PTPRT: variants seen among roughly 807,000 people sequenced by gnomAD.
PTPRT encodes protein tyrosine phosphatase receptor type T.
Under a neutral mutation model 176.8 loss-of-function variants are expected in PTPRT, and 56 were observed. The observed-to-expected ratio is 0.32, with a 90% CI of 0.26 to 0.40. The LOEUF (loss-of-function observed/expected upper bound fraction) is 0.40. PTPRT is among the 10% of genes least tolerant of loss of function. PTPRT has a pLI of 1.00. For synonymous variants in PTPRT, 783 were observed against 739.0 expected (o/e 1.06, Z -0.96); for missense variants, 1,540 against 1,908.2 (o/e 0.81, Z 3.60).
intron 13 of PTPRT, among the ~76,000 whole-genome samples, chr20:42,274,692 G>T (rs1011481194): frequency 1.3e-5 from 2 of 151,990 alleles, no homozygotes; most frequent in African/African-American, 4.8e-5. Context: ...GAGAGATGCT[G>T]CTGGGCTACA....
intron 7 of PTPRT, among the ~76,000 whole-genome samples, chr20:42,479,361 G>T (rs2071342771): frequency 6.6e-6 from 1 of 152,116 alleles, no homozygotes; most frequent in Admixed American, 6.5e-5. Context: ...TGCAATTTGA[G>T]TTCTTTTCAA....
chr20:43,171,652 T>C (rs1395641073), intron 1 of PTPRT, among the ~76,000 whole-genome samples: 3 of 152,152 alleles, frequency 2.0e-5, no homozygotes, highest in Admixed American at 2.0e-4. Flanking sequence ...AATTTTCACA[T>C]CTATCAGAAT....
At chr20:43,019,819 G>A (rs936180965) in intron 1 of PTPRT, among the ~76,000 whole-genome samples, 2 of 151,780 alleles carry the variant, frequency 1.3e-5, no homozygotes, top group African/African-American at 2.4e-5. Flanking sequence ...CCAGAGCCAG[G>A]AGCGTTTCTT....
intron 14 of PTPRT, among the ~76,000 whole-genome samples, chr20:42,248,420 A>T (rs2056491615): frequency 6.6e-6 from 1 of 152,226 alleles, no homozygotes; most frequent in African/African-American, 2.4e-5. Flanking sequence ...GATACGTGGA[A>T]TCCCATGGCA....
chr20:42,494,457 A>G (rs1362979141), intron 7 of PTPRT, among the ~76,000 whole-genome samples: 2 of 152,134 alleles, frequency 1.3e-5, no homozygotes, highest in Non-Finnish European at 2.9e-5. Flanking sequence ...AAATACACAG[A>G]GTAAAGAAAC....
chr20:42,515,689 C>T (rs530816772), intron 7 of PTPRT, among the ~76,000 whole-genome samples: 34 of 152,244 alleles, frequency 2.2e-4, no homozygotes, highest in South Asian at 4.1e-4. Flanking sequence ...AATTTTCAAA[C>T]AGCGTGGTCC....
intron 13 of PTPRT, among the ~76,000 whole-genome samples, chr20:42,250,264 T>C (rs1233542192): frequency 6.6e-6 from 1 of 152,226 alleles, no homozygotes; most frequent in Admixed American, 6.5e-5. Flanking sequence ...TTCTGACTGG[T>C]AATAGGGCTC....
At chr20:42,317,740 A>G (rs1329303816) in intron 11 of PTPRT, among the ~76,000 whole-genome samples, 1 of 152,202 alleles carries the variant, frequency 6.6e-6, no homozygotes, top group Non-Finnish European at 1.5e-5. Context: ...CACACTCAAT[A>G]TGGCAAGTTT....
chr20:42,714,156 A>AAG (rs1231398395), intron 6 of PTPRT, among the ~76,000 whole-genome samples: 1 of 152,188 alleles, frequency 6.6e-6, no homozygotes, highest in Non-Finnish European at 1.5e-5. Flanking sequence ...CTGGTTCAAA[A>AAG]AGAGCTATGG....
intron 7 of PTPRT, among the ~76,000 whole-genome samples, chr20:42,666,306 C>A (rs952591979): frequency 3.3e-5 from 5 of 151,836 alleles, no homozygotes; most frequent in Admixed American, 2.6e-4. Flanking sequence ...ATTTGAATGC[C>A]TATTTATTTT....
intron 2 of PTPRT, among the ~76,000 whole-genome samples, chr20:42,823,051 G>T (rs913204544): frequency 1.2e-4 from 19 of 152,138 alleles, no homozygotes; most frequent in Admixed American, 3.3e-4. Context: ...ATACCCAGAG[G>T]AACGCAAATC....
intron 7 of PTPRT, among the ~76,000 whole-genome samples, chr20:42,569,081 A>AATATATATATATAGATAT: frequency 3.2e-5 from 1 of 30,802 alleles, no homozygotes; most frequent in Non-Finnish European, 5.5e-5. Flanking sequence ...AAAAAAAAAA[A>AATATATATATATAGATAT]ATATATATAT....
chr20:42,381,404 G>A (rs1037556496), intron 9 of PTPRT, among the ~76,000 whole-genome samples: 5 of 152,160 alleles, frequency 3.3e-5, no homozygotes, highest in African/African-American at 1.2e-4. Context: ...GACTAGCAAC[G>A]TTCAGCTTGG....
chr20:42,220,773 G>A (rs987292968), intron 15 of PTPRT, among the ~76,000 whole-genome samples: 5 of 151,996 alleles, frequency 3.3e-5, no homozygotes, highest in African/African-American at 9.7e-5. Context: ...AAACAAAAAC[G>A]TTAAGAGACA....
At chr20:43,023,423 G>A (rs532265662) in intron 1 of PTPRT, among the ~76,000 whole-genome samples, 81 of 152,190 alleles carry the variant, frequency 5.3e-4, no homozygotes, top group Non-Finnish European at 1.1e-3. Flanking sequence ...CCCTCTGACA[G>A]GCACAACAAA....
chr20:43,021,173 AGAT>A (rs1985663399), intron 1 of PTPRT, among the ~76,000 whole-genome samples: 1 of 152,210 alleles, frequency 6.6e-6, no homozygotes, highest in Non-Finnish European at 1.5e-5. Context: ...TACTCAAAGG[AGAT>A]GATGGTGAGA....
At chr20:42,088,496 A>C (rs1251411400) in intron 27 of PTPRT, among the ~76,000 whole-genome samples, 2 of 150,322 alleles carry the variant, frequency 1.3e-5, no homozygotes, top group Non-Finnish European at 2.9e-5. Flanking sequence ...GCGAGCAGGA[A>C]GGATGTAGGA....
At position 42,448,277 on chromosome 20, in the gene PTPRT, C is replaced by A; in HGVS notation, c.1503G>T (p.Lys501Asn). The change falls in exon 9 of 31, where the codon AAG becomes AAT. Residue 501 changes from lysine to asparagine, a missense_variant. By Grantham distance (94) the Lys-to-Asn change is moderately conservative. Around this residue, in one of 11 missense-constraint regions of PTPRT, gnomAD observed 136 missense variants for 135.0 expected, o/e 1.01. Transcript: ENST00000373187. ...TGGGAGGTTTCCACTGGATGTAGAT[C>A]TTCTCCTCAAAGGGCCCCCCTTGGA... is the stretch of plus-strand genomic sequence containing the variant. ...ESIQGGPFEE[K>N]IYIQWKPPNE... The A allele has an allele frequency of 6.2e-7, 1 of 1,613,600 alleles. No individual in the cohort carries two copies. Among genetic ancestry groups the A allele is most frequent in the Non-Finnish European group, 8.5e-7 (1 of 1,179,610 alleles).
chr20:42,824,065 A>G (rs2077948994), intron 2 of PTPRT, among the ~76,000 whole-genome samples: 1 of 152,142 alleles, frequency 6.6e-6, no homozygotes, highest in African/African-American at 2.4e-5. Flanking sequence ...AAACAGAGAT[A>G]TGAGAGGTCC....
Sources: allele counts gnomAD v4.1 joint callset (sites outside exome capture counted in the v4.1 genomes callset), GRCh38; gene constraint gnomAD v4.1.1; regional missense constraint gnomAD v4.1.1; transcripts MANE v1.5; gene names NCBI Gene and HGNC (gene_info 2026-07-23, HGNC 2026-07-21).